The following SMARCC1 variants were observed in gnomAD, a reference collection of about 807,000 sequenced individuals.
SMARCC1 encodes SWI/SNF complex subunit SMARCC1.
SMARCC1 carries 43 observed loss-of-function variants against 147.4 expected under a neutral mutation model. That is an observed-to-expected ratio of 0.29 (90% CI 0.23 to 0.38). The LOEUF (loss-of-function observed/expected upper bound fraction) is 0.38. Among genes scored for constraint, SMARCC1 ranks in the 10% least tolerant of loss-of-function variants. SMARCC1 has a pLI of 1.00. For synonymous variants in SMARCC1, 495 were observed against 484.4 expected (o/e 1.02, Z -0.29); for missense variants, 1,119 against 1,381.1 (o/e 0.81, Z 3.01).
At chr3:47,737,812 C>T (rs898169113) in intron 4 of SMARCC1, among the ~76,000 whole-genome samples, 1 of 149,366 alleles carries the variant, frequency 6.7e-6, no homozygotes, top group Non-Finnish European at 1.5e-5. Flanking sequence ...CCCGGAACCA[C>T]GTGCGGCTAA....
intron 25 of SMARCC1, among the ~76,000 whole-genome samples, chr3:47,616,047 C>T (rs151257533): frequency 1.3e-3 from 205 of 152,318 alleles, no homozygotes; most frequent in African/African-American, 4.8e-3. Flanking sequence ...AACATTTAGT[C>T]CAAAAGCTAT....
chr3:47,683,613 G>A (rs1025882404), intron 14 of SMARCC1, among the ~76,000 whole-genome samples: 2 of 151,986 alleles, frequency 1.3e-5, no homozygotes, highest in African/African-American at 4.8e-5. Flanking sequence ...AGCACTTTGG[G>A]AGGCCAAGGT....
At chr3:47,621,373 C>G (rs2032729105) in intron 25 of SMARCC1, among the ~76,000 whole-genome samples, 1 of 151,900 alleles carries the variant, frequency 6.6e-6, no homozygotes, top group African/African-American at 2.4e-5. Context: ...TATTGCAGCT[C>G]CATTCGCAAT....
chr3:47,589,697 T>C (rs968579347), intron 27 of SMARCC1, among the ~76,000 whole-genome samples: 2 of 152,242 alleles, frequency 1.3e-5, no homozygotes, highest in African/African-American at 2.4e-5. Flanking sequence ...TCTCTGTCCA[T>C]GAAGCCTCCC....
chr3:47,738,530 A>C (rs1465608116), intron 3 of SMARCC1, among the ~76,000 whole-genome samples: 1 of 152,114 alleles, frequency 6.6e-6, no homozygotes, highest in Non-Finnish European at 1.5e-5. Flanking sequence ...CTAAAAATAC[A>C]AAAATCAACT....
chr3:47,709,020 G>C (rs927734334), intron 9 of SMARCC1, among the ~76,000 whole-genome samples: 3 of 151,994 alleles, frequency 2.0e-5, no homozygotes, highest in African/African-American at 7.2e-5. Flanking sequence ...CAGCATTTTG[G>C]GAAGCCAAGG....
chr3:47,731,072 C>T (rs775902653), intron 5 of SMARCC1, among the ~76,000 whole-genome samples: 1 of 152,154 alleles, frequency 6.6e-6, no homozygotes, highest in Non-Finnish European at 1.5e-5. Flanking sequence ...TTCTCTGTAG[C>T]ATGCGATGCT....
chr3:47,654,090 T>C (rs1292443073), intron 21 of SMARCC1, among the ~76,000 whole-genome samples: 1 of 152,238 alleles, frequency 6.6e-6, no homozygotes, highest in Non-Finnish European at 1.5e-5. Context: ...TGCTCTATGG[T>C]ATCGTCTACC....
At chr3:47,598,825 C>CAA (rs59776566) in intron 26 of SMARCC1, among the ~76,000 whole-genome samples, 73 of 68,966 alleles carry the variant, frequency 1.1e-3, no homozygotes, top group African/African-American at 2.5e-3. Flanking sequence ...GACTCTGTCT[C>CAA]AAAAAAAAAA....
chr3:47,653,456 T>C (rs150674380), intron 21 of SMARCC1, among the ~76,000 whole-genome samples: 1 of 152,144 alleles, frequency 6.6e-6, no homozygotes, highest in Non-Finnish European at 1.5e-5. Flanking sequence ...TCACAATAAA[T>C]AGTACCATGA....
At chr3:47,634,534 T>C (rs1379985704) in intron 24 of SMARCC1, among the ~76,000 whole-genome samples, 1 of 152,188 alleles carries the variant, frequency 6.6e-6, no homozygotes, top group South Asian at 2.1e-4. Flanking sequence ...TATCCTATAA[T>C]GGAAGGAAAC....
At chr3:47,662,148 C>T (rs2033355226) in intron 20 of SMARCC1, among the ~76,000 whole-genome samples, 186 bp downstream of exon 20, 1 of 152,260 alleles carries the variant, frequency 6.6e-6, no homozygotes, top group African/African-American at 2.4e-5. Flanking sequence ...GCATGTGCCA[C>T]CACACCCAGC....
intron 2 of SMARCC1, among the ~76,000 whole-genome samples, chr3:47,769,526 C>T (rs2034883120): frequency 6.6e-6 from 1 of 151,968 alleles, no homozygotes; most frequent in South Asian, 2.1e-4. Context: ...CGCACTCCGC[C>T]AACCATAACA....
At chr3:47,733,544 C>A (rs1242242196) in intron 5 of SMARCC1, among the ~76,000 whole-genome samples, 3 of 151,832 alleles carry the variant, frequency 2.0e-5, no homozygotes, top group Non-Finnish European at 4.4e-5. Flanking sequence ...AATTCGAGAC[C>A]AGCCTTTCCA....
intron 24 of SMARCC1, among the ~76,000 whole-genome samples, chr3:47,622,590 G>C (rs1038966793): frequency 1.3e-5 from 2 of 152,078 alleles, no homozygotes; most frequent in Non-Finnish European, 2.9e-5. Context: ...TATCAAGAAG[G>C]AGAGGGCAAA....
chr3:47,703,240 A>G (rs1048034081), intron 10 of SMARCC1, among the ~76,000 whole-genome samples: 1 of 152,082 alleles, frequency 6.6e-6, no homozygotes, highest in African/African-American at 2.4e-5. Flanking sequence ...GGCCTCCAAA[A>G]AGTTTTTAAT....
At chr3:47,602,751 C>T (rs947813325) in intron 26 of SMARCC1, among the ~76,000 whole-genome samples, 3 of 152,240 alleles carry the variant, frequency 2.0e-5, no homozygotes, top group African/African-American at 4.8e-5. Context: ...CATGTTCTTT[C>T]CTTCTGCTTT....
At chr3:47,758,720 T>C (rs1473532452) in intron 2 of SMARCC1, among the ~76,000 whole-genome samples, 1 of 152,122 alleles carries the variant, frequency 6.6e-6, no homozygotes, top group Admixed American at 6.6e-5. Context: ...CTTTAATTAA[T>C]TAATTTATTT....
At chr3:47,719,358 T>C (rs2034202198) in intron 7 of SMARCC1, among the ~76,000 whole-genome samples, 2 of 152,184 alleles carry the variant, frequency 1.3e-5, no homozygotes, top group Admixed American at 1.3e-4. Flanking sequence ...ATTTTCAACA[T>C]AAATTAATTT....
Sources: allele counts gnomAD v4.1 joint callset (sites outside exome capture counted in the v4.1 genomes callset), GRCh38; gene constraint gnomAD v4.1.1; transcripts MANE v1.5; gene names NCBI Gene and HGNC (gene_info 2026-07-23, HGNC 2026-07-21).